Variants in PLA2G4A observed in about 807,000 individuals in gnomAD.
The protein encoded by PLA2G4A is phospholipase A2 group IVA.
A neutral mutation model predicts 81.9 loss-of-function variants in PLA2G4A; 40 were observed. The observed-to-expected ratio is 0.49, with a 90% CI of 0.38 to 0.64. PLA2G4A has a LOEUF of 0.64. Ranked by LOEUF, PLA2G4A falls within the 30% of genes least tolerant of loss-of-function variation. The pLI, the probability that PLA2G4A is intolerant of heterozygous loss-of-function variation, is 0.00. For missense variants in PLA2G4A, 715 were observed against 905.1 expected (o/e 0.79, Z 2.69); for synonymous variants, 302 against 296.9 (o/e 1.02, Z -0.18).
intron 7 of PLA2G4A, among the ~76,000 whole-genome samples, chr1:186,921,392 G>T (rs1302774211): frequency 6.6e-6 from 1 of 152,172 alleles, no homozygotes; most frequent in African/African-American, 2.4e-5. Flanking sequence ...AAAGCTTGAG[G>T]CTTTTCAGTG....
intron 2 of PLA2G4A, among the ~76,000 whole-genome samples, chr1:186,858,216 C>T (rs2102035703): frequency 6.6e-6 from 1 of 152,122 alleles, no homozygotes; most frequent in Admixed American, 6.6e-5. Flanking sequence ...AGTTTACAGT[C>T]CCACCAACAG....
intron 2 of PLA2G4A, among the ~76,000 whole-genome samples, chr1:186,865,901 T>C (rs2102050504): frequency 6.6e-6 from 1 of 152,302 alleles, no homozygotes; most frequent in Non-Finnish European, 1.5e-5. Flanking sequence ...AAAATTGTCT[T>C]GGTTTTTACT....
intron 1 of PLA2G4A, among the ~76,000 whole-genome samples, chr1:186,842,643 A>G (rs981581779): frequency 6.6e-6 from 1 of 152,184 alleles, no homozygotes; most frequent in Non-Finnish European, 1.5e-5. Context: ...GAATTTGAAC[A>G]CACACAGACA....
intron 7 of PLA2G4A, among the ~76,000 whole-genome samples, chr1:186,922,367 T>G (rs928950870): frequency 1.3e-5 from 2 of 152,190 alleles, no homozygotes; most frequent in African/African-American, 2.4e-5. Context: ...AGGCCATGCT[T>G]CCACTCAAAT....
At position 186,956,085 on chromosome 1, in the gene PLA2G4A, C is replaced by T. The variant is rs753253870; in HGVS notation, c.1337-17C>T. The T allele has an allele frequency of 1.4e-5, 23 of 1,610,750 alleles. No homozygotes were observed. The highest frequency in any genetic ancestry group is 6.7e-5 in the African/African-American group (5 of 74,784). On this transcript the variant is annotated splice_polypyrimidine_tract_variant and intron_variant, in intron 13 of 17. Transcript: ENST00000367466. Reference sequence around the variant, plus strand: ...TGTATTTTGGAGTCTGTATGGTGACCTTTTATTTTTCCCTAGGCACTGAAA... The same window carrying T: ...TGTATTTTGGAGTCTGTATGGTGACTTTTTATTTTTCCCTAGGCACTGAAA...
chr1:186,890,855 A>AT, intron 3 of PLA2G4A, among the ~76,000 whole-genome samples: 1 of 151,430 alleles, frequency 6.6e-6, no homozygotes, highest in African/African-American at 2.4e-5. Flanking sequence ...CTGTCTCAAA[A>AT]AAAAAAAAAA....
intron 8 of PLA2G4A, among the ~76,000 whole-genome samples, chr1:186,937,783 T>C (rs1294297643): frequency 2.0e-5 from 3 of 151,838 alleles, no homozygotes; most frequent in Non-Finnish European, 4.4e-5. Context: ...CCAGTTCTGC[T>C]GTTATAAACT....
chr1:186,850,216 CT>C (rs1472605046), intron 1 of PLA2G4A, among the ~76,000 whole-genome samples: 1 of 152,046 alleles, frequency 6.6e-6, no homozygotes. Context: ...AAATATTTGT[CT>C]GTGTATATAT....
Position 186,956,332 on chromosome 1 carries a change from G to A in PLA2G4A, c.1567G>A (p.Ala523Thr). Residue 523 changes from alanine to threonine, a missense_variant, in exon 14 of 18, where the codon GCA (alanine) becomes ACA (threonine). Physicochemically the swap from Ala to Thr is moderately conservative, Grantham distance 58. Coordinates refer to ENST00000367466, the MANE Select transcript of PLA2G4A (RefSeq NM_024420.3). ...CTCCTTTGATGATGATGAACTGGAT[G>A]CAGCTGTAGCAGGTAAGTGTACAAA... The part of the protein sequence containing the change: ...QDSFDDDELD[A>T]AVADPDEFER... 6.2e-7 allele frequency: 1 copy of A among 1,613,642 alleles called. No individual in the cohort carries two copies. The highest frequency in any genetic ancestry group is 1.7e-5 in the Admixed American group (1 of 60,028).
intron 8 of PLA2G4A, 52 bp downstream of exon 8, chr1:186,932,951 A>C: frequency 7.7e-7 from 1 of 1,302,306 alleles, no homozygotes; most frequent in South Asian, 1.2e-5. Context: ...TTTAGGATTT[A>C]TCTAACTCAA....
At chr1:186,844,726 T>C (rs559639919) in intron 1 of PLA2G4A, among the ~76,000 whole-genome samples, 1 of 152,332 alleles carries the variant, frequency 6.6e-6, no homozygotes, top group African/African-American at 2.4e-5. Context: ...ACATGGCACA[T>C]GTATACATAT....
intron 17 of PLA2G4A, among the ~76,000 whole-genome samples, chr1:186,986,752 A>T (rs1239430538): frequency 6.6e-6 from 1 of 152,210 alleles, no homozygotes; most frequent in Non-Finnish European, 1.5e-5. Flanking sequence ...TTAGTACATT[A>T]TTTCCATTTT....
intron 5 of PLA2G4A, among the ~76,000 whole-genome samples, chr1:186,901,178 C>T (rs929071836): frequency 5.9e-5 from 9 of 152,146 alleles, no homozygotes; most frequent in African/African-American, 1.9e-4. Flanking sequence ...AGAGACCTTT[C>T]GCTAAGATGT....
intron 14 of PLA2G4A, among the ~76,000 whole-genome samples, chr1:186,961,173 G>A (rs887079273): frequency 3.9e-5 from 6 of 152,026 alleles, no homozygotes; most frequent in African/African-American, 1.4e-4. Flanking sequence ...CAGAAGCTGG[G>A]GGGGGATTTG....
chr1:186,831,615 T>C (rs1040374847), intron 1 of PLA2G4A, among the ~76,000 whole-genome samples: 1 of 152,160 alleles, frequency 6.6e-6, no homozygotes, highest in African/African-American at 2.4e-5. Flanking sequence ...GAATGATTAG[T>C]TTTTATAACA....
At chr1:186,890,229 C>T (rs1445099676) in intron 3 of PLA2G4A, among the ~76,000 whole-genome samples, 4 of 152,104 alleles carry the variant, frequency 2.6e-5, no homozygotes, top group African/African-American at 9.7e-5. Flanking sequence ...TTGTAATTGT[C>T]GCTTTCTGTT....
At chr1:186,974,724 T>C (rs556072075) in intron 15 of PLA2G4A, among the ~76,000 whole-genome samples, 1 of 152,350 alleles carries the variant, frequency 6.6e-6, no homozygotes, top group South Asian at 2.1e-4. Context: ...ATTTTTTTGT[T>C]CACTGAAATC....
At chr1:186,900,831 GC>G (rs1654511584) in intron 5 of PLA2G4A, among the ~76,000 whole-genome samples, 1 of 152,172 alleles carries the variant, frequency 6.6e-6, no homozygotes, top group African/African-American at 2.4e-5. Context: ...GTTTTAGTTT[GC>G]CATCTGTATT....
At chr1:186,884,196 TA>T (rs1422476899) in intron 3 of PLA2G4A, among the ~76,000 whole-genome samples, 1 of 151,570 alleles carries the variant, frequency 6.6e-6, no homozygotes, top group East Asian at 1.9e-4. Flanking sequence ...ATTATAAACA[TA>T]TTTTTTAAAT....
Sources: gnomAD v4.1 joint callset for allele counts (sites outside exome capture counted in the v4.1 genomes callset) on GRCh38, gnomAD v4.1.1 for gene constraint, MANE v1.5 for transcripts, NCBI Gene and HGNC (gene_info 2026-07-23, HGNC 2026-07-21) for gene names.